The following SLC6A6 variants were observed in gnomAD, a reference collection of about 807,000 sequenced individuals.
SLC6A6 encodes sodium- and chloride-dependent taurine transporter.
In SLC6A6, 16 loss-of-function variants were observed where a neutral mutation model predicts 68.8. The ratio of observed to expected loss-of-function variants is 0.23; its 90% CI spans 0.16 to 0.35. SLC6A6 has a LOEUF of 0.35. Ranked by LOEUF, SLC6A6 falls within the 10% of genes least tolerant of loss-of-function variation. The pLI is 1.00. For synonymous variants in SLC6A6, 312 were observed against 315.4 expected, an observed-to-expected ratio of 0.99 and a Z score of 0.12; for missense variants, 474 against 802.8, an observed-to-expected ratio of 0.59 and a Z score of 4.95.
rs550062831 is a variant in SLC6A6 at position 14,443,484 on chromosome 3, G to T, written c.-11-140G>T. The T allele has an allele frequency of 1.6e-5, 10 of 624,326 alleles. No individual in the cohort carries two copies. The East Asian group carries it at 2.7e-4, about 17-fold the overall frequency. The allele number at this position is 624,326 out of a possible 1,614,324, so 38.7% of individuals were successfully genotyped here. On this transcript the variant is annotated intron_variant, in intron 2 of 14. Transcript: ENST00000622186. ...TCCTGATGTTGCTGTCAAAGCATTGGACAGACAGGGATGCCAGGCCCCTTG... is the reference window on the plus strand; with the variant it reads ...TCCTGATGTTGCTGTCAAAGCATTGTACAGACAGGGATGCCAGGCCCCTTG...
chr3:14,467,092 C>T lies in SLC6A6; in HGVS notation c.867+442C>T, dbSNP rs371641139. ...AGAGTTAATGGCCTTGGAGGGTCCA[C>T]GGGCAGATACCGAAAGCACACCTTC... On this transcript the variant is annotated intron_variant, in intron 7 of 14. Transcript: ENST00000622186. Among the ~76,000 whole-genome samples the T allele has an allele frequency of 4.6e-5, 7 of 152,150 alleles. No homozygotes were observed. The East Asian group carries it at 9.6e-4, about 21-fold the overall frequency.
intron 2 of SLC6A6, among the ~76,000 whole-genome samples, chr3:14,432,477 C>T (rs58781780): frequency 0.018 from 2,775 of 152,280 alleles, 98 homozygotes; most frequent in South Asian, 0.06. Context: ...GCTCCAGGGG[C>T]CCCTACAGCA....
intron 2 of SLC6A6, among the ~76,000 whole-genome samples, chr3:14,432,480 C>G (rs764952785): frequency 2.6e-5 from 4 of 152,202 alleles, no homozygotes; most frequent in Admixed American, 6.5e-5. Context: ...CCAGGGGCCC[C>G]TACAGCAGCC....
chr3:14,439,920 T>G (rs1394190412), intron 2 of SLC6A6, among the ~76,000 whole-genome samples: 2 of 152,178 alleles, frequency 1.3e-5, no homozygotes, highest in Non-Finnish European at 2.9e-5. Context: ...CGGTCACTGT[T>G]ACTCCCAGCG....
chr3:14,426,180 CTGG>C (rs1272542220), intron 2 of SLC6A6, among the ~76,000 whole-genome samples: 2 of 152,136 alleles, frequency 1.3e-5, no homozygotes, highest in South Asian at 4.1e-4. Context: ...GAGAGACTTC[CTGG>C]TATCTAAGGT....
chr3:14,416,451 A>G lies in SLC6A6; in HGVS notation c.-14A>G, dbSNP rs895518366. The G allele has an allele frequency of 1.0e-5, 4 of 398,506 alleles. No homozygotes were observed. 24.7% of individuals were successfully genotyped at this position (398,506 alleles called of 1,614,324 possible). A position where few individuals can be genotyped will look rare whatever the true frequency, so the allele number is the denominator to read the frequency against. Reference sequence around the variant, plus strand: ...CCACAGCCCTTCTGAGGAGCTCCCAAACGTAAGTGACCTTGGACCTCCAGG... The same window carrying G: ...CCACAGCCCTTCTGAGGAGCTCCCAGACGTAAGTGACCTTGGACCTCCAGG... On this transcript the variant is annotated splice_region_variant and 5_prime_UTR_variant, in exon 2 of 15. Coordinates refer to ENST00000622186, the MANE Select transcript of SLC6A6 (RefSeq NM_003043.6).
At chr3:14,407,492 T>C (rs555255077) in intron 1 of SLC6A6, among the ~76,000 whole-genome samples, 17 of 151,634 alleles carry the variant, frequency 1.1e-4, no homozygotes, top group African/African-American at 4.1e-4. Flanking sequence ...AGACAGCCAC[T>C]TTCTCCGTTT....
In SLC6A6 at chr3:14,467,950, C is replaced by T. The variant is rs778046880; in HGVS notation, c.965C>T (p.Ser322Leu). ...LGSYNKYKYN[S>L]YRDCMLLGCL... ...AGCTACAACAAGTACAAGTATAACT[C>T]GTACAGGCAAGTGTTGCGCCGGCGG... Residue 322 changes from serine to leucine, a missense_variant, in exon 8 of 15, where the codon TCG (serine) becomes TTG (leucine). By Grantham distance (145) the Ser-to-Leu change is moderately radical. Coordinates refer to ENST00000622186, the MANE Select transcript of SLC6A6 (RefSeq NM_003043.6). 2.5e-6 allele frequency: 4 copies of T among 1,608,446 alleles called. No individual in the cohort carries two copies. Among genetic ancestry groups the T allele is most frequent in the Non-Finnish European group, 3.4e-6 (4 of 1,175,014 alleles).
In SLC6A6 at chr3:14,488,988, A is replaced by T. The variant is rs1305563770; in HGVS notation, c.*3981A>T. ...TATTTAGCACAAGAGAAAGCTGAGA[A>T]TGTGGGTCTTGCCTCCTTCCAGAAA... is the stretch of plus-strand genomic sequence containing the variant. On this transcript the variant is annotated 3_prime_UTR_variant, in exon 15 of 15. Coordinates refer to ENST00000622186, the MANE Select transcript of SLC6A6 (RefSeq NM_003043.6). 6.6e-6 allele frequency: 1 copy of T among 152,582 alleles called. No individual in the cohort carries two copies. Among genetic ancestry groups the T allele is most frequent in the Non-Finnish European group, 1.5e-5 (1 of 68,030 alleles). The allele number at this position is 152,582 out of a possible 1,614,324, so 9.5% of individuals were successfully genotyped here.
chr3:14,417,037 G>C (rs1574911308), intron 2 of SLC6A6, among the ~76,000 whole-genome samples: 2 of 152,216 alleles, frequency 1.3e-5, no homozygotes, highest in South Asian at 2.1e-4. Flanking sequence ...GAGTAACGGG[G>C]TTTCACGATG....
chr3:14,444,898 C>A (rs1025909965), intron 3 of SLC6A6: 3 of 454,316 alleles, frequency 6.6e-6, no homozygotes, highest in East Asian at 1.4e-4. Flanking sequence ...CTTTGCCCCC[C>A]CATTCTTCCC....
At chr3:14,441,929 C>T (rs1409287889) in intron 2 of SLC6A6, among the ~76,000 whole-genome samples, 1 of 152,228 alleles carries the variant, frequency 6.6e-6, no homozygotes. Context: ...CAGGTGTGGT[C>T]CTTGTCCCCA....
At chr3:14,466,799 C>T in intron 7 of SLC6A6, 149 bp downstream of exon 7, 11 of 646,458 alleles carry the variant, frequency 1.7e-5, no homozygotes, top group Non-Finnish European at 2.4e-5. Flanking sequence ...TGGTACTTTT[C>T]CACCGGGCCT....
rs113877705 is a variant in SLC6A6, at chr3:14,450,909, A to G, written c.599+3093A>G. Among the ~76,000 whole-genome samples, 1 of 95,324 alleles carries G rather than the reference A, an allele frequency of 1.0e-5. No homozygotes were observed. Among genetic ancestry groups the G allele is most frequent in the Admixed American group, 9.5e-5 (1 of 10,486 alleles). 62.5% of individuals were successfully genotyped at this position (95,324 alleles called of 152,430 possible). On this transcript the variant is annotated intron_variant, in intron 5 of 14. Coordinates refer to ENST00000622186, the MANE Select transcript of SLC6A6 (RefSeq NM_003043.6). The surrounding 1 kb of genome is among the most constrained non-coding windows in gnomAD (Gnocchi z 4.1). The stretch of plus-strand genomic sequence containing the variant: ...TTTCTTTCAGTCTCTAAGTAGAGGA[A>G]ATAGCTAGGCATCATCCAAAACTCT...
chr3:14,428,240 G>C lies in SLC6A6; in HGVS notation c.-12+11787G>C, dbSNP rs143941198. ...GGGGCAGCTAGGAGGAGGCCCAGCT[G>C]TTAGGGTGACACCCTGAATCTCAGA... On this transcript the variant is annotated intron_variant, in intron 2 of 14. Coordinates refer to ENST00000622186, the MANE Select transcript of SLC6A6 (RefSeq NM_003043.6). 1.4e-3 allele frequency among the ~76,000 whole-genome samples: 218 copies of C among 152,350 alleles called. 1 individual carries two copies. The highest frequency in any genetic ancestry group is 3.0e-3 in the Admixed American group (46 of 15,302).
At chr3:14,420,154 C>T (rs2124910145) in intron 2 of SLC6A6, among the ~76,000 whole-genome samples, 1 of 152,342 alleles carries the variant, frequency 6.6e-6, no homozygotes, top group Non-Finnish European at 1.5e-5. Context: ...CATTTTTGAA[C>T]AGGCACAGTG....
rs575609706 is a variant in SLC6A6, at chr3:14,420,041, C to G, written c.-12+3588C>G. On this transcript the variant is annotated intron_variant, in intron 2 of 14. Transcript: ENST00000622186. ...CCAGTGTTGTCAGAAAAGGCCACCTCAGGCCTGTTCAACAGAAGTGCCAAC... is the reference window on the plus strand; with the variant it reads ...CCAGTGTTGTCAGAAAAGGCCACCTGAGGCCTGTTCAACAGAAGTGCCAAC... 5.5e-4 allele frequency among the ~76,000 whole-genome samples: 84 copies of G among 152,310 alleles called. 3 individuals carry two copies. In the South Asian group the frequency reaches 0.015, roughly 27 times the overall value.
chr3:14,426,969 T>C (rs969854840), intron 2 of SLC6A6, among the ~76,000 whole-genome samples: 1 of 152,100 alleles, frequency 6.6e-6, no homozygotes, highest in Non-Finnish European at 1.5e-5. Context: ...CTGGCTTTAG[T>C]TCTGCTGCAG....
intron 2 of SLC6A6, among the ~76,000 whole-genome samples, chr3:14,430,150 A>G (rs1699689301): frequency 6.6e-6 from 1 of 152,154 alleles, no homozygotes; most frequent in East Asian, 1.9e-4. Flanking sequence ...ATAAGGTGGC[A>G]GAGATTGGGG....
Sources: gnomAD v4.1 joint callset for allele counts (sites outside exome capture counted in the v4.1 genomes callset) on GRCh38, gnomAD v4.1.1 for gene constraint, Gnocchi (gnomAD v3.1) non-coding constraint, MANE v1.5 for transcripts, NCBI Gene and HGNC (gene_info 2026-07-23, HGNC 2026-07-21) for gene names.